CCND3: variants seen among roughly 807,000 people sequenced by gnomAD.
CCND3 encodes the protein cyclin D3, also known as G1/S-specific cyclin-D3.
CCND3 carries 9 observed loss-of-function variants against 28.7 expected under a neutral mutation model. That is an observed-to-expected ratio of 0.31 (90% confidence interval 0.19 to 0.55). CCND3 has a LOEUF of 0.55. Among genes scored for constraint, CCND3 ranks in the 20% least tolerant of loss-of-function variants. The pLI is 0.93. For synonymous variants in CCND3, 164 were observed against 163.9 expected (o/e 1.00, Z 0.00); for missense variants, 315 against 385.8 (o/e 0.82, Z 1.54).
intron 1 of CCND3, among the ~76,000 whole-genome samples, chr6:42,036,328 T>A (rs1387623782): frequency 8.0e-6 from 1 of 125,368 alleles, no homozygotes; most frequent in Non-Finnish European, 1.7e-5. Flanking sequence ...ATATATAAAA[T>A]ATATATATGG....
chr6:41,953,395 G>T (rs1428300123), intron 1 of CCND3, among the ~76,000 whole-genome samples: 1 of 152,076 alleles, frequency 6.6e-6, no homozygotes, highest in Non-Finnish European at 1.5e-5. Context: ...TTCTCAGCCT[G>T]TCAAAGGGGG....
At chr6:41,947,844 C>T (rs1211491411) in intron 1 of CCND3, among the ~76,000 whole-genome samples, 1 of 152,174 alleles carries the variant, frequency 6.6e-6, no homozygotes, top group Non-Finnish European at 1.5e-5. Context: ...CTGACCCACC[C>T]TTGGCCCTCC....
chr6:41,964,463 AGTGT>A (rs10526814), intron 1 of CCND3, among the ~76,000 whole-genome samples: 27 of 146,226 alleles, frequency 1.8e-4, no homozygotes, highest in African/African-American at 4.8e-4. Context: ...TCTGTGTGTG[AGTGT>A]GTGTGTGAGT....
intron 1 of CCND3, among the ~76,000 whole-genome samples, chr6:42,023,429 A>G (rs1247296260): frequency 6.6e-6 from 1 of 152,198 alleles, no homozygotes; most frequent in Non-Finnish European, 1.5e-5. Context: ...TATATATTCA[A>G]TAAGGTGTCT....
chr6:42,042,260 A>G (rs1304044420), intron 1 of CCND3, among the ~76,000 whole-genome samples: 1 of 152,152 alleles, frequency 6.6e-6, no homozygotes, highest in Non-Finnish European at 1.5e-5. Context: ...ATATGGTGAT[A>G]ATGACAGCAG....
chr6:41,951,227 T>C (rs1776303946), intron 1 of CCND3, among the ~76,000 whole-genome samples: 1 of 151,428 alleles, frequency 6.6e-6, no homozygotes, highest in African/African-American at 2.4e-5. Flanking sequence ...GAAACAGCCA[T>C]GGTGAAAGAA....
intron 1 of CCND3, among the ~76,000 whole-genome samples, chr6:42,015,590 G>A (rs1200088234): frequency 6.6e-6 from 1 of 151,940 alleles, no homozygotes; most frequent in Non-Finnish European, 1.5e-5. Flanking sequence ...TGCACCTGTA[G>A]TCCCAGCTAT....
At chr6:41,943,295 A>G (rs911221485), upstream of CCND3, among the ~76,000 whole-genome samples, 1 of 152,254 alleles carries the variant, frequency 6.6e-6, no homozygotes, top group African/African-American at 2.4e-5. Flanking sequence ...TTGCCATGAA[A>G]TAACCCTTTA....
chr6:42,007,227 A>T (rs1763202883), intron 1 of CCND3, among the ~76,000 whole-genome samples: 1 of 152,202 alleles, frequency 6.6e-6, no homozygotes, highest in African/African-American at 2.4e-5. Context: ...TGGTTGTTTC[A>T]TTGTTTTACA....
chr6:41,958,458 G>A (rs1466276761), intron 1 of CCND3, among the ~76,000 whole-genome samples: 1 of 152,072 alleles, frequency 6.6e-6, no homozygotes, highest in African/African-American at 2.4e-5. Flanking sequence ...TCATTCACTT[G>A]GTCCACAGAA....
intron 1 of CCND3, among the ~76,000 whole-genome samples, chr6:42,047,193 G>A (rs968889815): frequency 5.3e-5 from 8 of 152,286 alleles, no homozygotes; most frequent in African/African-American, 1.9e-4. Flanking sequence ...CTCAATAACT[G>A]GCATAGACTA....
chr6:42,028,971 G>GT (rs796486498), intron 1 of CCND3, among the ~76,000 whole-genome samples: 16,471 of 137,652 alleles, frequency 0.12, 1,312 homozygotes, highest in African/African-American at 0.21. Context: ...CCTTGAAACG[G>GT]TTTTTTTTTT....
chr6:42,048,562 C>T lies in CCND3; in HGVS notation c.-107G>A, dbSNP rs538945980. The T allele has an allele frequency of 1.2e-4, 62 of 514,210 alleles. 1 individual carries two copies. The highest frequency in any genetic ancestry group is 8.6e-4 in the South Asian group (61 of 70,632). 31.9% of individuals were successfully genotyped at this position (514,210 alleles called of 1,614,324 possible). A position where few individuals can be genotyped will look rare whatever the true frequency, so the allele number is the denominator to read the frequency against. ...GGTCGCAGGCGCTCTGTCCCGCCGC[C>T]TCCGGAGCCTGCCTTTGGGGAGTGG... On this transcript the variant is annotated 5_prime_UTR_variant, in exon 1 of 5. Transcript: ENST00000372988. This position sits in a 1 kb window ranked among gnomAD's most constrained non-coding sequence, Gnocchi z 4.7.
intron 1 of CCND3, among the ~76,000 whole-genome samples, chr6:42,036,410 T>A (rs1209368257): frequency 8.0e-4 from 85 of 105,610 alleles, no homozygotes; most frequent in African/African-American, 3.2e-3. Flanking sequence ...TATATTTTTT[T>A]TTTTTTTTTT....
chr6:42,030,981 G>A (rs1248752907), intron 1 of CCND3, among the ~76,000 whole-genome samples: 1 of 152,134 alleles, frequency 6.6e-6, no homozygotes, highest in Admixed American at 6.5e-5. Flanking sequence ...GGGTCAAAGA[G>A]TGGAATGTGG....
At chr6:41,976,559 G>A (rs1252935563) in intron 1 of CCND3, among the ~76,000 whole-genome samples, 2 of 152,032 alleles carry the variant, frequency 1.3e-5, no homozygotes, top group South Asian at 2.1e-4. Context: ...GACTTGAAGC[G>A]GGAGGATTGC....
At chr6:41,986,848 G>A (rs1183584047) in intron 1 of CCND3, among the ~76,000 whole-genome samples, 2 of 151,970 alleles carry the variant, frequency 1.3e-5, no homozygotes, top group Non-Finnish European at 2.9e-5. Flanking sequence ...CCTTGTCACG[G>A]ATCTATTTCT....
intron 1 of CCND3, among the ~76,000 whole-genome samples, chr6:42,019,392 G>T (rs1488639123): frequency 1.3e-5 from 2 of 151,336 alleles, no homozygotes; most frequent in Admixed American, 6.6e-5. Context: ...GGGAGGCTGA[G>T]GCAGGAGAAT....
At chr6:41,977,648 C>T (rs1418239015) in intron 1 of CCND3, among the ~76,000 whole-genome samples, 4 of 152,056 alleles carry the variant, frequency 2.6e-5, no homozygotes, top group South Asian at 2.1e-4. Flanking sequence ...ATTACAGGCG[C>T]GAACCACCAT....
Sources: allele counts gnomAD v4.1 joint callset (sites outside exome capture counted in the v4.1 genomes callset), GRCh38; gene constraint gnomAD v4.1.1; non-coding constraint Gnocchi (gnomAD v3.1); transcripts MANE v1.5; gene names NCBI Gene and HGNC (gene_info 2026-07-23, HGNC 2026-07-21).